Variants in POC1A observed in about 807,000 individuals in gnomAD.
POC1A encodes POC1 centriolar protein A.
Under a neutral mutation model 47.8 loss-of-function variants are expected in POC1A, and 34 were observed. The observed-to-expected ratio is 0.71, with a 90% CI of 0.54 to 0.95. The LOEUF is 0.95. Ranked by LOEUF, POC1A falls within the 40% of genes least tolerant of loss-of-function variation. The pLI is 0.00. For missense variants in POC1A, 466 were observed against 528.3 expected, an observed-to-expected ratio of 0.88 and a Z score of 1.16; for synonymous variants, 177 against 207.6, an observed-to-expected ratio of 0.85 and a Z score of 1.27.
Position 52,107,460 on chromosome 3 carries a change from C to T in POC1A, c.982-10748G>A, listed in dbSNP as rs141215929. Among the ~76,000 whole-genome samples, 291 of 152,364 alleles carry T rather than the reference C, an allele frequency of 1.9e-3. 2 individuals carry two copies. Among genetic ancestry groups the T allele is most frequent in the African/African-American group, 6.5e-3 (270 of 41,594 alleles). ...ACCACACAGGCAAGCAGGCAACCCG[C>T]CCTGCCCAACACCTGTGTGGGAGCA... On this transcript the variant is annotated intron_variant, in intron 9 of 10. Transcript: ENST00000296484.
At position 52,149,702 on chromosome 3, in the gene POC1A, AGAGTAG is replaced by A; in HGVS notation, c.275+108_275+113del. The stretch of plus-strand genomic sequence containing the variant: ...CCTCTGATGGCACCTCTTCCAAAGC[AGAGTAG>A]AAGTCCCACTGTGACCAGTCCAGAG... On this transcript the variant is annotated intron_variant, in intron 3 of 10. Transcript: ENST00000296484. The A allele has an allele frequency of 3.0e-6, 3 of 1,005,498 alleles. No individual in the cohort carries two copies. The South Asian group carries it at 4.7e-5, about 16-fold the overall frequency. The allele number at this position is 1,005,498 out of a possible 1,614,324, so 62.3% of individuals were successfully genotyped here. A position where few individuals can be genotyped will look rare whatever the true frequency, so the allele number is the denominator to read the frequency against.
At chr3:52,119,879 G>A (rs1703706392) in intron 9 of POC1A, among the ~76,000 whole-genome samples, 1 of 152,192 alleles carries the variant, frequency 6.6e-6, no homozygotes, top group Non-Finnish European at 1.5e-5. Flanking sequence ...CTGGGTTATT[G>A]GGAAGGCCAG....
chr3:52,088,976 C>T (rs1203419207), intron 10 of POC1A, among the ~76,000 whole-genome samples: 1 of 150,634 alleles, frequency 6.6e-6, no homozygotes, highest in African/African-American at 2.4e-5. Flanking sequence ...CGGCTACTGT[C>T]GAGCCCATCT....
chr3:52,099,973 C>T (rs369148622), intron 9 of POC1A, among the ~76,000 whole-genome samples: 8 of 152,070 alleles, frequency 5.3e-5, no homozygotes, highest in Middle Eastern at 3.2e-3. Context: ...AATACCAAAA[C>T]AAAAAAAGGT....
chr3:52,149,481 C>G, intron 3 of POC1A, 92 bp from the exon 4 acceptor site: 1 of 1,236,812 alleles, frequency 8.1e-7, no homozygotes, highest in East Asian at 2.4e-5. Flanking sequence ...CTCAAGCACC[C>G]CTCCCAAAGT....
chr3:52,101,102 A>G (rs1273157832), intron 9 of POC1A, among the ~76,000 whole-genome samples: 1 of 151,646 alleles, frequency 6.6e-6, no homozygotes, highest in Non-Finnish European at 1.5e-5. Context: ...AAAAAAAAAA[A>G]AAAAAAAATA....
intron 7 of POC1A, among the ~76,000 whole-genome samples, chr3:52,129,029 C>T (rs546962506): frequency 6.6e-6 from 1 of 152,196 alleles, no homozygotes; most frequent in African/African-American, 2.4e-5. Flanking sequence ...CCTGTAATCC[C>T]AGTACTTTGG....
Position 52,154,374 on chromosome 3 carries a change from G to A in POC1A, c.-2C>T. 1 of 1,489,208 alleles carries A rather than the reference G, an allele frequency of 6.7e-7. No homozygotes were observed. The highest frequency in any genetic ancestry group is 8.9e-7 in the Non-Finnish European group (1 of 1,126,646). The allele number at this position is 1,489,208 out of a possible 1,614,324, so 92.2% of individuals were successfully genotyped here. A position where few individuals can be genotyped will look rare whatever the true frequency, so the allele number is the denominator to read the frequency against. ...GCTTACCGCGCAGGGCGCAGCCATG[G>A]CGGGGCTGGCGGCGCCGAAGGCAGC... is the stretch of plus-strand genomic sequence containing the variant. On this transcript the variant is annotated 5_prime_UTR_variant, in exon 1 of 11. Coordinates refer to ENST00000296484, the MANE Select transcript of POC1A (RefSeq NM_015426.5).
chr3:52,097,820 G>A lies in POC1A; in HGVS notation c.982-1108C>T, dbSNP rs115542199. ...TCCACACACCTATCATCAGCATGTC[G>A]GCCACTTCCGTGGCCATTTCTAAGA... On this transcript the variant is annotated intron_variant, in intron 9 of 10. Coordinates refer to ENST00000296484, the MANE Select transcript of POC1A (RefSeq NM_015426.5). Among the ~76,000 whole-genome samples the A allele has an allele frequency of 4.3e-3, 650 of 152,278 alleles. 1 individual carries two copies. Among genetic ancestry groups the A allele is most frequent in the South Asian group, 9.5e-3 (46 of 4,822 alleles).
In POC1A at chr3:52,149,363, G is replaced by A. The variant is rs1698476446; in HGVS notation, c.302C>T (p.Ala101Val). The stretch of plus-strand genomic sequence containing the variant: ...GACACTCCTCACTGTGGCTGTGTGT[G>A]CACGAAACACAGTGGACTCACCTTT... Reference protein sequence around the residue: ...NVKGESTVFRAHTATVRSVHF... With the variant: ...NVKGESTVFRVHTATVRSVHF... The change falls in exon 4 of 11, where the codon GCA (alanine) becomes GTA (valine). Residue 101 changes from alanine to valine, a missense_variant. By Grantham distance (64) the Ala-to-Val change is moderately conservative. Coordinates refer to ENST00000296484, the MANE Select transcript of POC1A (RefSeq NM_015426.5). 1.9e-6 allele frequency: 3 copies of A among 1,614,116 alleles called. No individual in the cohort carries two copies. Among genetic ancestry groups the A allele is most frequent in the Non-Finnish European group, 1.7e-6 (2 of 1,180,002 alleles).
At position 52,154,391 on chromosome 3, in the gene POC1A, GA is replaced by G; in HGVS notation, c.-20del. 1 of 1,467,544 alleles carries G rather than the reference GA, an allele frequency of 6.8e-7. No homozygotes were observed. The highest frequency in any genetic ancestry group is 9.0e-7 in the Non-Finnish European group (1 of 1,116,122). 90.9% of individuals were successfully genotyped at this position (1,467,544 alleles called of 1,614,324 possible). A position where few individuals can be genotyped will look rare whatever the true frequency, so the allele number is the denominator to read the frequency against. On this transcript the variant is annotated 5_prime_UTR_variant, in exon 1 of 11. Coordinates refer to ENST00000296484, the MANE Select transcript of POC1A (RefSeq NM_015426.5). ...CAGCCATGGCGGGGCTGGCGGCGCC[GA>G]AGGCAGCTGCGGTGGCCGTTGCGGC...
At chr3:52,152,282 G>A (rs1473029532) in intron 1 of POC1A, among the ~76,000 whole-genome samples, 1 of 151,214 alleles carries the variant, frequency 6.6e-6, no homozygotes, top group African/African-American at 2.4e-5. Context: ...CTAAAAAAAA[G>A]TAGTTAGCCG....
chr3:52,092,258 C>A (rs569419583), intron 10 of POC1A, among the ~76,000 whole-genome samples: 1 of 152,206 alleles, frequency 6.6e-6, no homozygotes, highest in Admixed American at 6.5e-5. Flanking sequence ...GCCTGCTGGG[C>A]TCTCTGATCA....
Position 52,151,987 on chromosome 3 carries a change from A to C in POC1A, c.19-887T>G, listed in dbSNP as rs143980038. On this transcript the variant is annotated intron_variant, in intron 1 of 10. Coordinates refer to ENST00000296484, the MANE Select transcript of POC1A (RefSeq NM_015426.5). ...ATTTGGCAGTTCCTCAAAAAGTTAA[A>C]CATAGGTCAGGTGAAGTGGCTCACA... Among the ~76,000 whole-genome samples the C allele has an allele frequency of 6.4e-4, 98 of 152,352 alleles. No individual in the cohort carries two copies. The East Asian group carries it at 0.018, about 28-fold the overall frequency.
At chr3:52,118,020 G>A (rs1703633043) in intron 9 of POC1A, among the ~76,000 whole-genome samples, 1 of 152,126 alleles carries the variant, frequency 6.6e-6, no homozygotes, top group African/African-American at 2.4e-5. Flanking sequence ...GAGGGGCCAG[G>A]GCTGTGGCAG....
At chr3:52,094,584 C>T (rs1462512706) in intron 10 of POC1A, among the ~76,000 whole-genome samples, 1 of 152,268 alleles carries the variant, frequency 6.6e-6, no homozygotes, top group Non-Finnish European at 1.5e-5. Flanking sequence ...CACAAAGGTG[C>T]TATGCACAGT....
intron 7 of POC1A, among the ~76,000 whole-genome samples, chr3:52,129,419 A>G (rs542128395): frequency 1.3e-4 from 20 of 152,274 alleles, no homozygotes; most frequent in Non-Finnish European, 2.8e-4. Flanking sequence ...TATTTAATCA[A>G]TCACTCTTCA....
intron 9 of POC1A, among the ~76,000 whole-genome samples, chr3:52,110,875 C>T (rs1338927535): frequency 5.9e-5 from 9 of 152,240 alleles, no homozygotes; most frequent in Non-Finnish European, 1.3e-4. Context: ...TAAGCCCAAG[C>T]TTTGGCTGCC....
chr3:52,110,166 G>A (rs4687806), intron 9 of POC1A, among the ~76,000 whole-genome samples: 14,101 of 152,224 alleles, frequency 0.093, 1,314 homozygotes, highest in East Asian at 0.36. Context: ...TTTTTTATGT[G>A]TCAGACACAT....
Sources: gnomAD v4.1 joint callset for allele counts (sites outside exome capture counted in the v4.1 genomes callset) on GRCh38, gnomAD v4.1.1 for gene constraint, MANE v1.5 for transcripts, NCBI Gene and HGNC (gene_info 2026-07-23, HGNC 2026-07-21) for gene names.